Variants in ARHGEF3 observed in about 807,000 individuals in gnomAD.
The protein encoded by ARHGEF3 is Rho guanine nucleotide exchange factor 3.
ARHGEF3 carries 28 observed loss-of-function variants against 63.2 expected under a neutral mutation model. The observed-to-expected ratio is 0.44, with a 90% CI of 0.33 to 0.61. The LOEUF (loss-of-function observed/expected upper bound fraction) is 0.61, where lower values mean the gene tolerates loss of function less well. Among genes scored for constraint, ARHGEF3 ranks in the 20% least tolerant of loss-of-function variants. The probability of loss-of-function intolerance (pLI) is 0.03; values close to 1 mark genes in which losing one functional copy is unlikely to be tolerated. For missense variants in ARHGEF3, 533 were observed against 659.3 expected, an observed-to-expected ratio of 0.81 and a Z score of 2.10; for synonymous variants, 266 against 254.2, an observed-to-expected ratio of 1.05 and a Z score of -0.44.
chr3:56,777,720 G>C (rs1206645856), intron 1 of ARHGEF3, among the ~76,000 whole-genome samples: 1 of 152,118 alleles, frequency 6.6e-6, no homozygotes, highest in Non-Finnish European at 1.5e-5. Flanking sequence ...GGAATAGTAG[G>C]AATATCATCT....
chr3:56,871,818 T>A (rs1005211061), intron 4 of ARHGEF3, among the ~76,000 whole-genome samples: 1 of 152,160 alleles, frequency 6.6e-6, no homozygotes, highest in Non-Finnish European at 1.5e-5. Context: ...CAAGCTTAGA[T>A]GGAAAAATGA....
chr3:56,973,165 CG>C (rs1269257248), intron 2 of ARHGEF3, among the ~76,000 whole-genome samples: 1 of 151,920 alleles, frequency 6.6e-6, no homozygotes, highest in African/African-American at 2.4e-5. Flanking sequence ...TACAGGCACC[CG>C]CCACCACGCC....
chr3:56,834,451 T>C (rs1270619044), intron 4 of ARHGEF3, among the ~76,000 whole-genome samples: 1 of 152,170 alleles, frequency 6.6e-6, no homozygotes, highest in African/African-American at 2.4e-5. Flanking sequence ...AACAATCTGA[T>C]ACTATGTATG....
At chr3:56,984,695 C>T (rs2106918918) in intron 2 of ARHGEF3, among the ~76,000 whole-genome samples, 1 of 152,268 alleles carries the variant, frequency 6.6e-6, no homozygotes, top group Non-Finnish European at 1.5e-5. Flanking sequence ...TAACTGCCAA[C>T]ATGAAACTAC....
chr3:56,833,694 C>CTT (rs1169465331), intron 4 of ARHGEF3, among the ~76,000 whole-genome samples: 2 of 152,210 alleles, frequency 1.3e-5, no homozygotes, highest in African/African-American at 4.8e-5. Context: ...GATTGGTTCT[C>CTT]TAAGGCTCAA....
intron 2 of ARHGEF3, among the ~76,000 whole-genome samples, chr3:56,971,708 A>G (rs901474221): frequency 1.3e-5 from 2 of 151,812 alleles, no homozygotes; most frequent in African/African-American, 4.9e-5. Flanking sequence ...AAAAAAAATT[A>G]GTGGGCATGG....
chr3:57,077,875 G>A (rs983148875), intron 1 of ARHGEF3, among the ~76,000 whole-genome samples: 2 of 152,176 alleles, frequency 1.3e-5, no homozygotes, highest in East Asian at 1.9e-4. Flanking sequence ...AGCCATAGGA[G>A]GTGTTACAGC....
intron 2 of ARHGEF3, among the ~76,000 whole-genome samples, chr3:57,008,530 G>A (rs1702557872): frequency 1.3e-5 from 2 of 151,788 alleles, no homozygotes; most frequent in African/African-American, 2.4e-5. Flanking sequence ...AGGCTGGAGC[G>A]CAGTAGCGTG....
chr3:56,892,270 C>A (rs1301016181), intron 3 of ARHGEF3, among the ~76,000 whole-genome samples: 2 of 152,066 alleles, frequency 1.3e-5, no homozygotes, highest in African/African-American at 2.4e-5. Flanking sequence ...AAAAAAAATA[C>A]GGGCATCGAT....
At chr3:57,022,466 T>G (rs1046449051) in intron 2 of ARHGEF3, among the ~76,000 whole-genome samples, 1 of 151,174 alleles carries the variant, frequency 6.6e-6, no homozygotes, top group South Asian at 2.1e-4. Context: ...ATAGCTTTCC[T>G]ATATACAAAA....
rs140994892 is a variant in ARHGEF3 at position 56,849,736 on chromosome 3, TAAAG to T, written c.192+32552_192+32555del. Among the ~76,000 whole-genome samples the T allele has an allele frequency of 3.0e-4, 46 of 152,286 alleles. No individual in the cohort carries two copies. In the East Asian group the frequency reaches 8.7e-3, roughly 29 times the overall value. On this transcript the variant is annotated intron_variant, in intron 4 of 12. Transcript: ENST00000338458. ...GTTTTCTATTTCTAGATATCAATCT[TAAAG>T]TAGCACAAAGAGTGGAAAAGTGTCT...
intron 1 of ARHGEF3, chr3:56,774,857 A>AGATTG: frequency 3.2e-6 from 2 of 628,178 alleles, no homozygotes; most frequent in Non-Finnish European, 4.8e-6. Flanking sequence ...GCGCCACTGC[A>AGATTG]CTCCAGCCTG....
At chr3:56,781,212 G>A (rs2036546661) in intron 1 of ARHGEF3, among the ~76,000 whole-genome samples, 1 of 151,988 alleles carries the variant, frequency 6.6e-6, no homozygotes, top group Non-Finnish European at 1.5e-5. Context: ...GGTTTCAGAG[G>A]GAGCATGGCT....
At chr3:56,764,068 A>AAT (rs1038242330) in intron 2 of ARHGEF3, among the ~76,000 whole-genome samples, 2 of 69,490 alleles carry the variant, frequency 2.9e-5, no homozygotes, top group African/African-American at 6.9e-5. Context: ...AAACCATGGT[A>AAT]AAAGGGCACC....
rs371486228 is a variant in ARHGEF3, at chr3:56,939,630, C to T, written c.129+19193G>A. 2.2e-3 allele frequency among the ~76,000 whole-genome samples: 333 copies of T among 152,184 alleles called. 1 individual carries two copies. The highest frequency in any genetic ancestry group is 7.5e-3 in the African/African-American group (311 of 41,502). ...GAGGACTATTATGTTTTATGTCTTG[C>T]TGAATAGCTTGCCAAACAGGCTGTT... On this transcript the variant is annotated intron_variant, in intron 3 of 12. Transcript: ENST00000338458.
intron 4 of ARHGEF3, among the ~76,000 whole-genome samples, chr3:56,811,173 C>T (rs923838344): frequency 5.3e-5 from 8 of 152,166 alleles, no homozygotes; most frequent in African/African-American, 1.7e-4. Context: ...CCAAGTAAGC[C>T]ACCCACTAGG....
Position 56,922,956 on chromosome 3 carries a change from C to T in ARHGEF3, c.129+35867G>A, listed in dbSNP as rs559789619. Among the ~76,000 whole-genome samples the T allele has an allele frequency of 3.5e-5, 5 of 142,446 alleles. No homozygotes were observed. The South Asian group carries it at 6.7e-4, about 19-fold the overall frequency. 93.5% of individuals were successfully genotyped at this position (142,446 alleles called of 152,430 possible). On this transcript the variant is annotated intron_variant, in intron 3 of 12. Coordinates refer to the ARHGEF3 transcript ENST00000338458. ...ATCCCAACACTTTGGGAAGCGTAGG[C>T]GGAAGGATCAGCTGAGGTCAGGAGT...
At chr3:56,897,259 T>C (rs2041333364) in intron 3 of ARHGEF3, among the ~76,000 whole-genome samples, 1 of 152,222 alleles carries the variant, frequency 6.6e-6, no homozygotes, top group African/African-American at 2.4e-5. Flanking sequence ...GGTGCCTGTG[T>C]CCAGCTTGTT....
chr3:56,815,695 G>A (rs879160131), intron 4 of ARHGEF3, among the ~76,000 whole-genome samples: 1 of 152,244 alleles, frequency 6.6e-6, no homozygotes, highest in Admixed American at 6.5e-5. Context: ...CTTAAAAATA[G>A]GTACTCGGTT....
Sources: gnomAD v4.1 joint callset for allele counts (sites outside exome capture counted in the v4.1 genomes callset) on GRCh38, gnomAD v4.1.1 for gene constraint, MANE v1.5 for transcripts, NCBI Gene and HGNC (gene_info 2026-07-23, HGNC 2026-07-21) for gene names.